Variants in PHLDB3 observed in about 807,000 individuals in gnomAD.
The protein encoded by PHLDB3 is pleckstrin homology-like domain family B member 3.
A neutral mutation model predicts 85.7 loss-of-function variants in PHLDB3; 86 were observed. That is an observed-to-expected ratio of 1.00 (90% CI 0.84 to 1.20). The LOEUF (loss-of-function observed/expected upper bound fraction) is 1.20. Ranked by LOEUF, PHLDB3 falls within the 50% of genes most tolerant of loss-of-function variation. The pLI, the probability that PHLDB3 is intolerant of heterozygous loss-of-function variation, is 0.00. For synonymous variants in PHLDB3, 376 were observed against 349.8 expected, an observed-to-expected ratio of 1.07 and a Z score of -0.83; for missense variants, 995 against 873.0, an observed-to-expected ratio of 1.14 and a Z score of -1.76.
At chr19:43,491,966 T>G (rs553772470) in intron 9 of PHLDB3, among the ~76,000 whole-genome samples, 9 of 146,680 alleles carry the variant, frequency 6.1e-5, no homozygotes, top group Admixed American at 2.8e-4. Flanking sequence ...TTTGTTTTTT[T>G]TTTTTTTGAG....
intron 4 of PHLDB3, among the ~76,000 whole-genome samples, chr19:43,500,038 G>A (rs1465455432): frequency 6.6e-6 from 1 of 152,032 alleles, no homozygotes; most frequent in Admixed American, 6.6e-5. Context: ...TCAGGAGTTC[G>A]AGACCAGCCT....
chr19:43,475,347 A>G lies in PHLDB3; in HGVS notation c.*63T>C, dbSNP rs1970900859. ...TTCCGGCAGTGGGCGGGGCCTAGGAACGCCCCCGCGCCCCGCGCCGGCGGA... is the reference window on the plus strand; with the variant it reads ...TTCCGGCAGTGGGCGGGGCCTAGGAGCGCCCCCGCGCCCCGCGCCGGCGGA... On this transcript the variant is annotated 3_prime_UTR_variant, in exon 16 of 16. Transcript: ENST00000292140. 6.3e-7 allele frequency: 1 copy of G among 1,585,552 alleles called. No individual in the cohort carries two copies.
chr19:43,490,864 C>T (rs1971296966), intron 9 of PHLDB3, among the ~76,000 whole-genome samples: 1 of 152,180 alleles, frequency 6.6e-6, no homozygotes. Flanking sequence ...GGGTGCATGA[C>T]GTAGGCAAGT....
In PHLDB3 at chr19:43,487,080, C is replaced by A. The variant is rs200798992; in HGVS notation, c.1193G>T (p.Arg398Met). Residue 398 changes from arginine (R) to methionine (M), a missense_variant, in exon 10 of 16, where the codon AGG (arginine) becomes ATG (methionine). Arg to Met is a moderately conservative substitution (Grantham distance 91, BLOSUM62 -1). Coordinates refer to ENST00000292140, the MANE Select transcript of PHLDB3 (RefSeq NM_198850.4). Reference protein sequence around the residue: ...LQRTGSLPRKRGERGSQRGSP... With the variant: ...LQRTGSLPRKMGERGSQRGSP... Reference sequence around the variant, plus strand: ...TCCTCTCTGGCTCCCCCTCTCCCCCCTTTTCCGGGGCAGGCTCCCAGTCCT... The same window carrying A: ...TCCTCTCTGGCTCCCCCTCTCCCCCATTTTCCGGGGCAGGCTCCCAGTCCT... The A allele has an allele frequency of 3.2e-6, 5 of 1,577,548 alleles. No individual in the cohort carries two copies. Among genetic ancestry groups the A allele is most frequent in the Admixed American group, 1.9e-5 (1 of 54,026 alleles).
At position 43,475,536 on chromosome 19, in the gene PHLDB3, G is replaced by C; in HGVS notation, c.1797C>G (p.Asn599Lys). 4 of 1,613,934 alleles carry C rather than the reference G, an allele frequency of 2.5e-6. No homozygotes were observed. The highest frequency in any genetic ancestry group is 1.7e-6 in the Non-Finnish European group (2 of 1,179,874). ...DHLRCAFKSP[N>K]PRLTFCVKTY... Reference sequence around the variant, plus strand: ...TTTTGACGCAGAAGGTCAGGCGGGGGTTGGGGCTCTGGAATAAGCAGAAAG... The same window carrying C: ...TTTTGACGCAGAAGGTCAGGCGGGGCTTGGGGCTCTGGAATAAGCAGAAAG... The change falls in exon 16 of 16, where the codon AAC (asparagine) becomes AAG (lysine). Residue 599 changes from asparagine to lysine, a missense_variant. By Grantham distance (94) the Asn-to-Lys change is moderately conservative (BLOSUM62 0). Transcript: ENST00000292140.
intron 6 of PHLDB3, chr19:43,495,839 C>A: frequency 1.7e-6 from 1 of 573,586 alleles, no homozygotes; most frequent in Non-Finnish European, 3.0e-6. Flanking sequence ...AAGGGATGGA[C>A]AGAGAGAACA....
At chr19:43,504,563 G>A (rs1228154430) in intron 1 of PHLDB3, 26 bp downstream of exon 1, 4 of 170,826 alleles carry the variant, frequency 2.3e-5, no homozygotes, top group African/African-American at 7.2e-5. Flanking sequence ...CCACTGTGCA[G>A]GGCAACCGTG....
At chr19:43,492,021 T>C (rs542900622) in intron 9 of PHLDB3, among the ~76,000 whole-genome samples, 39 of 149,016 alleles carry the variant, frequency 2.6e-4, no homozygotes, top group Non-Finnish European at 1.0e-4. Flanking sequence ...AGTGGCATGA[T>C]CTCGGCTCAC....
intron 6 of PHLDB3, chr19:43,496,893 G>T: frequency 1.1e-4 from 61 of 580,394 alleles, no homozygotes; most frequent in South Asian, 1.9e-4. Flanking sequence ...AAACGTAATA[G>T]AACTTGCCTC....
intron 13 of PHLDB3, chr19:43,486,051 A>G (rs985645411): frequency 1.0e-6 from 1 of 985,250 alleles, no homozygotes; most frequent in Non-Finnish European, 1.2e-6. Context: ...GGCAGAGTAG[A>G]GCAAGTTACC....
At position 43,486,791 on chromosome 19, in the gene PHLDB3, G is replaced by A. The variant is rs756657828; in HGVS notation, c.1329C>T (p.Gly443=). The A allele has an allele frequency of 1.2e-6, 2 of 1,601,360 alleles. No homozygotes were observed. Among genetic ancestry groups the A allele is most frequent in the African/African-American group, 2.7e-5 (2 of 74,900 alleles). Residue 443 remains glycine, a synonymous_variant, in exon 11 of 16, where the codon GGC becomes GGT. Coordinates refer to ENST00000292140, the MANE Select transcript of PHLDB3 (RefSeq NM_198850.4). ...RYPLYQLLNC[G]RGNSCGAIHP... is the part of the protein sequence containing the mutation. ...CTCTGATGTCTCACCTATTCCCACG[G>A]CCACAGTTCAGCAGCTGGTAGAGGG... is the stretch of plus-strand genomic sequence containing the variant.
intron 9 of PHLDB3, among the ~76,000 whole-genome samples, chr19:43,489,190 A>T (rs555806105): frequency 6.6e-6 from 1 of 152,092 alleles, no homozygotes; most frequent in Non-Finnish European, 1.5e-5. Context: ...AAAGAAAAAA[A>T]ACAGAACATA....
At chr19:43,484,798 G>C (rs1349420972) in intron 13 of PHLDB3, among the ~76,000 whole-genome samples, 1 of 152,152 alleles carries the variant, frequency 6.6e-6, no homozygotes, top group Non-Finnish European at 1.5e-5. Flanking sequence ...TTTCAGTGCA[G>C]AGTGGGATGT....
At chr19:43,503,335 T>C (rs1281926002) in intron 2 of PHLDB3, among the ~76,000 whole-genome samples, 1 of 149,800 alleles carries the variant, frequency 6.7e-6, no homozygotes, top group Non-Finnish European at 1.5e-5. Context: ...AGATAGGTTC[T>C]GCTTTGTCCC....
intron 4 of PHLDB3, among the ~76,000 whole-genome samples, chr19:43,498,354 G>T (rs564966658): frequency 6.7e-6 from 1 of 149,808 alleles, no homozygotes; most frequent in Non-Finnish European, 1.5e-5. Context: ...AAGGAAAGGA[G>T]AAAAGACAGA....
intron 12 of PHLDB3, 39 bp from the exon 13 acceptor site, chr19:43,486,361 C>A: frequency 6.4e-7 from 1 of 1,570,216 alleles, no homozygotes; most frequent in Non-Finnish European, 8.7e-7. Context: ...AGGATCCCAG[C>A]CCATAAGATG....
At chr19:43,487,270 G>T (rs574415829) in intron 9 of PHLDB3, 147 bp from the exon 10 acceptor site, 14 of 681,586 alleles carry the variant, frequency 2.1e-5, no homozygotes, top group Non-Finnish European at 3.6e-5. Flanking sequence ...ACAGGGGTAT[G>T]ATCCCGTTTA....
chr19:43,486,945 T>G (rs1280293294), intron 10 of PHLDB3, 75 bp from the exon 11 acceptor site: 4 of 1,474,550 alleles, frequency 2.7e-6, no homozygotes, highest in Non-Finnish European at 3.6e-6. Flanking sequence ...CCTGCAGGCA[T>G]AGGTGCGGGT....
chr19:43,479,763 T>C (rs1971005505), intron 13 of PHLDB3, among the ~76,000 whole-genome samples, 170 bp from the exon 14 acceptor site: 1 of 152,178 alleles, frequency 6.6e-6, no homozygotes, highest in Admixed American at 6.6e-5. Flanking sequence ...GTGGATTGAC[T>C]GTGATGCTCT....
Sources: gnomAD v4.1 joint callset for allele counts (sites outside exome capture counted in the v4.1 genomes callset) on GRCh38, gnomAD v4.1.1 for gene constraint, MANE v1.5 for transcripts, NCBI Gene and HGNC (gene_info 2026-07-23, HGNC 2026-07-21) for gene names.